The following HACD3 variants were observed in gnomAD, a reference collection of about 807,000 sequenced individuals.
HACD3 encodes 3-hydroxyacyl-CoA dehydratase 3.
HACD3 carries 30 observed loss-of-function variants against 55.2 expected under a neutral mutation model. The ratio of observed to expected loss-of-function variants is 0.54; its 90% CI spans 0.41 to 0.74. The LOEUF (loss-of-function observed/expected upper bound fraction) is 0.74, where lower values mean the gene tolerates loss of function less well. Among genes scored for constraint, HACD3 ranks in the 30% least tolerant of loss-of-function variants. HACD3 has a pLI of 0.00. For synonymous variants in HACD3, 141 were observed against 151.7 expected (o/e 0.93, Z 0.52); for missense variants, 363 against 440.1 (o/e 0.82, Z 1.57).
intron 8 of HACD3, among the ~76,000 whole-genome samples, chr15:65,570,851 G>C (rs2072341005): frequency 1.3e-5 from 2 of 152,188 alleles, no homozygotes; most frequent in Non-Finnish European, 2.9e-5. Flanking sequence ...AGTTGAGAGA[G>C]AGAACAGGCC....
chr15:65,559,691 A>G (rs2072226678), intron 5 of HACD3, among the ~76,000 whole-genome samples: 1 of 151,962 alleles, frequency 6.6e-6, no homozygotes, highest in South Asian at 2.1e-4. Context: ...ATTTTAAAAA[A>G]TATTTGAATA....
chr15:65,551,789 A>T (rs1029973983), intron 2 of HACD3, 71 bp downstream of exon 2: 18 of 1,546,912 alleles, frequency 1.2e-5, no homozygotes, highest in African/African-American at 2.7e-5. Context: ...TCCCTTTTTT[A>T]AAAAAATGTA....
chr15:65,567,852 T>C (rs2072307479), intron 7 of HACD3, among the ~76,000 whole-genome samples: 1 of 151,884 alleles, frequency 6.6e-6, no homozygotes, highest in Non-Finnish European at 1.5e-5. Context: ...GTCAAAACCA[T>C]AGAGACAGAA....
intron 1 of HACD3, among the ~76,000 whole-genome samples, chr15:65,545,106 C>T (rs189518): frequency 0.66 from 100,186 of 151,920 alleles, 35,831 homozygotes; most frequent in East Asian, 0.93. Context: ...AATGGTTGAC[C>T]GTACCATTGG....
chr15:65,542,183 C>T (rs975327772), intron 1 of HACD3, among the ~76,000 whole-genome samples: 3 of 128,230 alleles, frequency 2.3e-5, no homozygotes, highest in African/African-American at 9.1e-5. Flanking sequence ...GAGCTGAGAT[C>T]ATGCCACTGC....
At chr15:65,538,685 A>G (rs971814135) in intron 1 of HACD3, among the ~76,000 whole-genome samples, 9 of 152,232 alleles carry the variant, frequency 5.9e-5, no homozygotes, top group Non-Finnish European at 1.3e-4. Context: ...CTCTGGGTAA[A>G]ACAGTATCAA....
chr15:65,545,921 T>C (rs897595351), intron 1 of HACD3, among the ~76,000 whole-genome samples: 3 of 152,228 alleles, frequency 2.0e-5, no homozygotes, highest in Admixed American at 2.0e-4. Context: ...AGGCTTACTC[T>C]TTGTAAGAGA....
At chr15:65,544,716 G>A (rs921598580) in intron 1 of HACD3, among the ~76,000 whole-genome samples, 32 of 152,068 alleles carry the variant, frequency 2.1e-4, no homozygotes, top group African/African-American at 7.7e-4. Flanking sequence ...AAAAAGGAAT[G>A]ATTGAATTAG....
chr15:65,539,653 C>G (rs1335942343), intron 1 of HACD3, among the ~76,000 whole-genome samples: 3 of 152,126 alleles, frequency 2.0e-5, no homozygotes, highest in Non-Finnish European at 4.4e-5. Flanking sequence ...GAAGCTCTTA[C>G]ACATGCAGGT....
At chr15:65,564,515 A>C in intron 7 of HACD3, 173 bp downstream of exon 7, 22 of 833,044 alleles carry the variant, frequency 2.6e-5, no homozygotes, top group Non-Finnish European at 3.3e-5. Context: ...GGAAGGTCTC[A>C]CGATCATGGT....
chr15:65,560,104 T>G (rs2072230347), intron 5 of HACD3, among the ~76,000 whole-genome samples: 1 of 151,752 alleles, frequency 6.6e-6, no homozygotes, highest in South Asian at 2.1e-4. Flanking sequence ...CTTAAGATAC[T>G]GGGCTCAAGT....
chr15:65,572,410 TAGAC>T (rs747427864), intron 10 of HACD3, 44 bp downstream of exon 10: 3 of 1,468,656 alleles, frequency 2.0e-6, no homozygotes, highest in Non-Finnish European at 1.8e-6. Flanking sequence ...TGTCACTTCT[TAGAC>T]AGTAGAATTA....
chr15:65,561,796 A>G (rs1368836296), intron 5 of HACD3, among the ~76,000 whole-genome samples: 1 of 152,062 alleles, frequency 6.6e-6, no homozygotes, highest in Non-Finnish European at 1.5e-5. Context: ...AGTCCCCAAG[A>G]CACACCCCTG....
intron 5 of HACD3, among the ~76,000 whole-genome samples, chr15:65,561,739 C>T (rs544618724): frequency 6.6e-6 from 1 of 152,274 alleles, no homozygotes; most frequent in Non-Finnish European, 1.5e-5. Flanking sequence ...TCAATTCTGA[C>T]ACTGTTTACC....
chr15:65,545,033 A>AT (rs1416691246), intron 1 of HACD3, among the ~76,000 whole-genome samples: 1 of 151,696 alleles, frequency 6.6e-6, no homozygotes, highest in Non-Finnish European at 1.5e-5. Flanking sequence ...AAAAAAAAAA[A>AT]GAAAGAAAGA....
In HACD3 at chr15:65,577,318, C is replaced by G. The variant is rs1030388392; in HGVS notation, c.*939C>G. ...GCACACACCTGTTGTCCCAGCTACT[C>G]AAGAAGCTGAGATGGGAGGATCCTG... On this transcript the variant is annotated 3_prime_UTR_variant, in exon 11 of 11. Transcript: ENST00000261875. The G allele has an allele frequency of 6.6e-6, 1 of 152,110 alleles. No homozygotes were observed. The highest frequency in any genetic ancestry group is 2.1e-4 in the South Asian group (1 of 4,820). The allele number at this position is 152,110 out of a possible 1,614,324, so 9.4% of individuals were successfully genotyped here.
intron 1 of HACD3, among the ~76,000 whole-genome samples, chr15:65,540,034 A>G (rs953916615): frequency 6.6e-6 from 1 of 152,224 alleles, no homozygotes; most frequent in Non-Finnish European, 1.5e-5. Context: ...GAGAAATTGT[A>G]TAATGTATCT....
At chr15:65,563,478 A>C (rs941136732) in intron 6 of HACD3, among the ~76,000 whole-genome samples, 17 of 152,172 alleles carry the variant, frequency 1.1e-4, no homozygotes, top group African/African-American at 3.9e-4. Flanking sequence ...TAGGAGAAGA[A>C]AGATTAATGG....
chr15:65,554,777 A>T lies in HACD3; in HGVS notation c.131-110A>T. On this transcript the variant is annotated intron_variant, in intron 2 of 10. Transcript: ENST00000261875. ...GCAACAGAGCAAGACTCTGTCTCAA[A>T]AAAAAAAAAGTGTAATATTCGCATA... The T allele has an allele frequency of 6.8e-6, 5 of 731,742 alleles. No individual in the cohort carries two copies. The South Asian group carries it at 8.1e-5, about 12-fold the overall frequency. 45.3% of individuals were successfully genotyped at this position (731,742 alleles called of 1,614,324 possible).
Sources: allele counts gnomAD v4.1 joint callset (sites outside exome capture counted in the v4.1 genomes callset), GRCh38; gene constraint gnomAD v4.1.1; transcripts MANE v1.5; gene names NCBI Gene and HGNC (gene_info 2026-07-23, HGNC 2026-07-21).